Variants in JMY observed in about 807,000 individuals in gnomAD.
The protein encoded by JMY is junction mediating and regulatory protein, p53 cofactor.
A neutral mutation model predicts 103.3 loss-of-function variants in JMY; 46 were observed. The ratio of observed to expected loss-of-function variants is 0.45; its 90% CI spans 0.35 to 0.57. JMY has a LOEUF of 0.57. Ranked by LOEUF, JMY falls within the 20% of genes least tolerant of loss-of-function variation. The probability of loss-of-function intolerance (pLI) is 0.00; values close to 1 mark genes in which losing one functional copy is unlikely to be tolerated. For synonymous variants in JMY, 526 were observed against 489.3 expected (o/e 1.07, Z -0.99); for missense variants, 1,238 against 1,255.2 (o/e 0.99, Z 0.21).
chr5:79,261,398 A>C (rs1254490725), intron 1 of JMY, among the ~76,000 whole-genome samples: 4 of 152,002 alleles, frequency 2.6e-5, no homozygotes, highest in South Asian at 4.2e-4. Flanking sequence ...TAATAATAAT[A>C]ATCAAAAAAT....
At chr5:79,259,177 A>G (rs1186442176) in intron 1 of JMY, among the ~76,000 whole-genome samples, 1 of 152,068 alleles carries the variant, frequency 6.6e-6, no homozygotes, top group East Asian at 1.9e-4. Flanking sequence ...TGGGCAGGTC[A>G]TCCCGACGAG....
chr5:79,297,065 T>G (rs1746584159), intron 4 of JMY, among the ~76,000 whole-genome samples: 1 of 152,220 alleles, frequency 6.6e-6, no homozygotes, highest in Non-Finnish European at 1.5e-5. Context: ...TCCGTCTTTT[T>G]GGGCTGGTAA....
chr5:79,250,220 G>A (rs763787029), intron 1 of JMY, among the ~76,000 whole-genome samples: 2 of 152,144 alleles, frequency 1.3e-5, no homozygotes, highest in Non-Finnish European at 2.9e-5. Context: ...CCAAAACAAT[G>A]TCAAAACAAC....
chr5:79,291,121 T>G lies in JMY; in HGVS notation c.1358-9T>G. On this transcript the variant is annotated splice_polypyrimidine_tract_variant and intron_variant, in intron 3 of 10. Transcript: ENST00000396137. ...TTGTCTTAATTTCTCTTTAAAAAATTATTAATAGCTGTGTATGATCGAATG... is the reference window on the plus strand; with the variant it reads ...TTGTCTTAATTTCTCTTTAAAAAATGATTAATAGCTGTGTATGATCGAATG... The G allele has an allele frequency of 6.5e-7, 1 of 1,534,842 alleles. No individual in the cohort carries two copies. Among genetic ancestry groups the G allele is most frequent in the Non-Finnish European group, 8.7e-7 (1 of 1,143,438 alleles).
At position 79,290,148 on chromosome 5, in the gene JMY, C is replaced by A; in HGVS notation, c.1234C>A (p.Pro412Thr). 1 of 1,590,992 alleles carries A rather than the reference C, an allele frequency of 6.3e-7. No individual in the cohort carries two copies. The change falls in exon 3 of 11, where the codon CCT (proline) becomes ACT (threonine). Residue 412 changes from proline to threonine, a missense_variant. Coordinates refer to ENST00000396137, the MANE Select transcript of JMY (RefSeq NM_152405.5). ...TTCCATGGAGAATGATTATCTGGGA[C>A]CTCGAAGAATTGAGAGTCTACAAAA... is the stretch of plus-strand genomic sequence containing the variant. ...KISMENDYLG[P>T]RRIESLQKED...
At chr5:79,316,767 G>A (rs1364980733) in intron 10 of JMY, among the ~76,000 whole-genome samples, 3 of 151,746 alleles carry the variant, frequency 2.0e-5, no homozygotes, top group East Asian at 1.9e-4. Context: ...TTAGCCGGGC[G>A]TGGTGGCGGG....
chr5:79,278,711 C>T (rs886686466), intron 2 of JMY, among the ~76,000 whole-genome samples: 3 of 150,642 alleles, frequency 2.0e-5, no homozygotes, highest in Non-Finnish European at 4.4e-5. Flanking sequence ...GTCATGGCTG[C>T]AATGAGCCAT....
intron 1 of JMY, among the ~76,000 whole-genome samples, chr5:79,268,194 G>A (rs757015221): frequency 1.4e-4 from 21 of 152,132 alleles, no homozygotes; most frequent in Non-Finnish European, 2.6e-4. Flanking sequence ...AGGGAGTTAC[G>A]AATGTGCCAC....
At chr5:79,245,579 C>T (rs2112045790) in intron 1 of JMY, among the ~76,000 whole-genome samples, 1 of 152,192 alleles carries the variant, frequency 6.6e-6, no homozygotes, top group Admixed American at 6.6e-5. Context: ...AAAGGACCCA[C>T]AGCAGTTGAT....
intron 1 of JMY, among the ~76,000 whole-genome samples, chr5:79,241,935 C>T (rs189546838): frequency 1.3e-4 from 20 of 152,134 alleles, no homozygotes; most frequent in Non-Finnish European, 1.6e-4. Flanking sequence ...AGTGTATGTG[C>T]GTTGGTGGCC....
chr5:79,270,639 A>G (rs1162414655), intron 1 of JMY, among the ~76,000 whole-genome samples: 1 of 139,828 alleles, frequency 7.2e-6, no homozygotes, highest in Non-Finnish European at 1.5e-5. Flanking sequence ...ATTTACATAA[A>G]TATTTATATA....
intron 1 of JMY, among the ~76,000 whole-genome samples, chr5:79,265,534 C>T (rs1039501266): frequency 3.3e-5 from 5 of 151,682 alleles, no homozygotes; most frequent in South Asian, 2.1e-4. Flanking sequence ...AGCAAGGTAC[C>T]GTCACTTTGA....
intron 1 of JMY, among the ~76,000 whole-genome samples, chr5:79,239,795 G>T (rs1435329779): frequency 1.3e-5 from 2 of 149,618 alleles, no homozygotes; most frequent in Admixed American, 1.3e-4. Flanking sequence ...GGGCGACAGA[G>T]CGAGACTCCG....
At chr5:79,274,303 G>A (rs980451905) in intron 1 of JMY, among the ~76,000 whole-genome samples, 13 of 151,910 alleles carry the variant, frequency 8.6e-5, no homozygotes, top group East Asian at 1.9e-4. Context: ...TCCAATTAGC[G>A]TTATAATAGC....
intron 1 of JMY, among the ~76,000 whole-genome samples, chr5:79,276,334 G>A (rs1389459871): frequency 6.6e-6 from 1 of 151,766 alleles, no homozygotes; most frequent in Admixed American, 6.6e-5. Context: ...GGCCAAGACT[G>A]CTCTCAAACT....
chr5:79,273,700 G>A lies in JMY; in HGVS notation c.1033-4210G>A, dbSNP rs903325475. ...TATAATCCTAACACTTTGGGAGGCTGAGGCACTAGGATTGCTTGAATCCAA... is the reference window on the plus strand; with the variant it reads ...TATAATCCTAACACTTTGGGAGGCTAAGGCACTAGGATTGCTTGAATCCAA... On this transcript the variant is annotated intron_variant, in intron 1 of 10. Transcript: ENST00000396137. Among the ~76,000 whole-genome samples, 10 of 152,324 alleles carry A rather than the reference G, an allele frequency of 6.6e-5. No individual in the cohort carries two copies. The East Asian group carries it at 1.9e-3, about 29-fold the overall frequency.
At chr5:79,288,279 C>G (rs1282388802) in intron 2 of JMY, among the ~76,000 whole-genome samples, 1 of 152,170 alleles carries the variant, frequency 6.6e-6, no homozygotes, top group Non-Finnish European at 1.5e-5. Context: ...CTTTCCATCC[C>G]TTAGCAGGCA....
At chr5:79,321,575 T>TA (rs1321753307) in intron 10 of JMY, 31 bp from the exon 11 acceptor site, 1 of 152,184 alleles carries the variant, frequency 6.6e-6, no homozygotes, top group African/African-American at 2.4e-5. Context: ...GTCTTTTTTT[T>TA]AATGGTCTGT....
chr5:79,238,427 T>G (rs895686811), intron 1 of JMY, among the ~76,000 whole-genome samples: 4 of 152,106 alleles, frequency 2.6e-5, no homozygotes, highest in Non-Finnish European at 4.4e-5. Context: ...AGAAAGGGTC[T>G]GAATGGATAT....
Sources: allele counts gnomAD v4.1 joint callset (sites outside exome capture counted in the v4.1 genomes callset), GRCh38; gene constraint gnomAD v4.1.1; transcripts MANE v1.5; gene names NCBI Gene and HGNC (gene_info 2026-07-23, HGNC 2026-07-21).